The following SLC1A3 variants were observed in gnomAD, a reference collection of about 807,000 sequenced individuals.
SLC1A3 encodes the protein excitatory amino acid transporter 1.
Under a neutral mutation model 48.1 loss-of-function variants are expected in SLC1A3, and 21 were observed. The observed-to-expected ratio is 0.44, with a 90% confidence interval of 0.31 to 0.63. The LOEUF (loss-of-function observed/expected upper bound fraction) is 0.63. Among genes scored for constraint, SLC1A3 ranks in the 20% least tolerant of loss-of-function variants. The pLI is 0.08. For synonymous variants in SLC1A3, 239 were observed against 251.4 expected (o/e 0.95, Z 0.47); for missense variants, 546 against 689.0 (o/e 0.79, Z 2.32).
At chr5:36,668,539 G>T (rs1315496417) in intron 3 of SLC1A3, 1 of 152,216 alleles carries the variant, frequency 6.6e-6, no homozygotes, top group Non-Finnish European at 1.5e-5. Context: ...ACATGGAGAT[G>T]TGATTAATGA....
At chr5:36,605,132 T>C (rs1304936047), upstream of SLC1A3, among the ~76,000 whole-genome samples, 3 of 152,214 alleles carry the variant, frequency 2.0e-5, no homozygotes, top group Non-Finnish European at 4.4e-5. Context: ...AGTTACTTAA[T>C]ATTGACTCTG....
At chr5:36,608,959 A>G in intron 2 of SLC1A3, 1 of 1,021,638 alleles carries the variant, frequency 9.8e-7, no homozygotes, top group Non-Finnish European at 1.2e-6. Flanking sequence ...ATACAATGTC[A>G]GTTGCACTTA....
chr5:36,641,345 G>C (rs1028253506), intron 3 of SLC1A3, among the ~76,000 whole-genome samples: 1 of 151,996 alleles, frequency 6.6e-6, no homozygotes, highest in Non-Finnish European at 1.5e-5. Context: ...AACTTTTCCC[G>C]AGTTTGTTTC....
chr5:36,670,513 G>T (rs1254265393), intron 3 of SLC1A3, among the ~76,000 whole-genome samples: 2 of 152,122 alleles, frequency 1.3e-5, no homozygotes, highest in East Asian at 3.8e-4. Context: ...CATCAAAAAA[G>T]AATCCCAAAT....
chr5:36,622,635 C>G (rs145836045), intron 2 of SLC1A3, among the ~76,000 whole-genome samples: 9 of 152,222 alleles, frequency 5.9e-5, no homozygotes, highest in African/African-American at 1.9e-4. Flanking sequence ...AAGAGTAAAC[C>G]TATGATATCT....
intron 2 of SLC1A3, among the ~76,000 whole-genome samples, chr5:36,626,286 A>G (rs1224152064): frequency 6.6e-6 from 1 of 152,218 alleles, no homozygotes; most frequent in Admixed American, 6.5e-5. Flanking sequence ...TTCCTTCATC[A>G]GCCCTTGTTT....
rs752614435 is a variant in SLC1A3, at chr5:36,677,102, A to G, written c.778A>G (p.Met260Val). 2 of 1,614,156 alleles carry G rather than the reference A, an allele frequency of 1.2e-6. No individual in the cohort carries two copies. The highest frequency in any genetic ancestry group is 1.3e-5 in the African/African-American group (1 of 75,056). The change falls in exon 6 of 10, where the codon ATG becomes GTG. Residue 260 changes from methionine to valine, a missense_variant. Met to Val is a conservative substitution (Grantham distance 21). This residue lies in a region of SLC1A3 where 348 missense variants were observed against 392.0 expected (regional missense o/e 0.89). Transcript: ENST00000265113. ...SMCFGFVIGNMKEQGQALREF... is the reference protein window; with the variant it reads ...SMCFGFVIGNVKEQGQALREF... Reference sequence around the variant, plus strand: ...GTGCTTCGGTTTTGTGATTGGAAACATGAAGGAACAGGGGCAGGCCCTGAG... The same window carrying G: ...GTGCTTCGGTTTTGTGATTGGAAACGTGAAGGAACAGGGGCAGGCCCTGAG...
rs550593357 is a variant in SLC1A3 at position 36,688,226 on chromosome 5, C to G, written c.*1957C>G. Reference sequence around the variant, plus strand: ...TGGAAAGGTCCTGTGGGGAGCCCATCCTCTCGCCAAGCCATCACAGGCTCT... The same window carrying G: ...TGGAAAGGTCCTGTGGGGAGCCCATGCTCTCGCCAAGCCATCACAGGCTCT... On this transcript the variant is annotated 3_prime_UTR_variant, in exon 10 of 10. Transcript: ENST00000265113. 6.6e-5 allele frequency: 10 copies of G among 152,324 alleles called. No individual in the cohort carries two copies. The highest frequency in any genetic ancestry group is 2.4e-4 in the African/African-American group (10 of 41,564). 9.4% of individuals were successfully genotyped at this position (152,324 alleles called of 1,614,324 possible).
In SLC1A3 at chr5:36,614,454, G is replaced by A. The variant is rs958749008; in HGVS notation, c.181+5850G>A. 2.6e-5 allele frequency among the ~76,000 whole-genome samples: 4 copies of A among 152,028 alleles called. No individual in the cohort carries two copies. The East Asian group carries it at 7.7e-4, about 29-fold the overall frequency. ...TAGGAAGAGCCTTAATAGTTGTAACGGGCTTTTAGATGCAGAAATGAAAGC... is the reference window on the plus strand; with the variant it reads ...TAGGAAGAGCCTTAATAGTTGTAACAGGCTTTTAGATGCAGAAATGAAAGC... On this transcript the variant is annotated intron_variant, in intron 2 of 9. Coordinates refer to ENST00000265113, the MANE Select transcript of SLC1A3 (RefSeq NM_004172.5).
At chr5:36,646,077 G>A (rs1367667609) in intron 3 of SLC1A3, among the ~76,000 whole-genome samples, 1 of 152,236 alleles carries the variant, frequency 6.6e-6, no homozygotes, top group Non-Finnish European at 1.5e-5. Flanking sequence ...ACTCTTTGGA[G>A]TAAGCTATGG....
intron 1 of SLC1A3, among the ~76,000 whole-genome samples, chr5:36,607,586 G>C (rs909332860): frequency 4.5e-4 from 68 of 152,170 alleles, no homozygotes; most frequent in Admixed American, 9.8e-4. Context: ...GAAGATTCCA[G>C]CATGTGTGTC....
At chr5:36,649,303 G>T (rs796082687) in intron 3 of SLC1A3, 1 of 136,528 alleles carries the variant, frequency 7.3e-6, no homozygotes, top group African/African-American at 2.6e-5. Context: ...AACTGAGATT[G>T]TGCCATTGCA....
rs1580049816 is a variant in SLC1A3, at chr5:36,683,150, C to G, written c.1290-714C>G. Among the ~76,000 whole-genome samples the G allele has an allele frequency of 2.0e-5, 3 of 152,324 alleles. No homozygotes were observed. The East Asian group carries it at 5.8e-4, about 29-fold the overall frequency. Reference sequence around the variant, plus strand: ...TGTTCAGTAACTTTACAACCCTCCACTTGGATAGGGGAATTACTAGAAACA... The same window carrying G: ...TGTTCAGTAACTTTACAACCCTCCAGTTGGATAGGGGAATTACTAGAAACA... On this transcript the variant is annotated intron_variant, in intron 8 of 9. Transcript: ENST00000265113.
At chr5:36,685,658 T>G (rs567745741) in intron 9 of SLC1A3, among the ~76,000 whole-genome samples, 1 of 152,376 alleles carries the variant, frequency 6.6e-6, no homozygotes, top group South Asian at 2.1e-4. Flanking sequence ...ACAAGACAGT[T>G]GGAGTTTCCT....
At chr5:36,617,598 C>G (rs1410086177) in intron 2 of SLC1A3, among the ~76,000 whole-genome samples, 3 of 151,678 alleles carry the variant, frequency 2.0e-5, no homozygotes, top group Non-Finnish European at 4.4e-5. Flanking sequence ...AATGTTATGA[C>G]TATAAAAATA....
intron 2 of SLC1A3, among the ~76,000 whole-genome samples, chr5:36,614,786 A>G (rs1739362297): frequency 1.3e-5 from 2 of 152,248 alleles, no homozygotes; most frequent in East Asian, 1.9e-4. Flanking sequence ...CACTCTGGTC[A>G]GAGTGGGGGC....
chr5:36,670,734 G>C (rs549291984), intron 3 of SLC1A3: 1 of 465,336 alleles, frequency 2.1e-6, no homozygotes, highest in South Asian at 2.1e-5. Flanking sequence ...GAAACAATCT[G>C]ATTGCACTTT....
intron 3 of SLC1A3, among the ~76,000 whole-genome samples, chr5:36,644,244 C>G (rs1464101886): frequency 2.0e-5 from 3 of 151,956 alleles, no homozygotes; most frequent in African/African-American, 7.3e-5. Context: ...GATTCTTGCT[C>G]TTATCCGTGT....
rs17585568 is a variant in SLC1A3, at chr5:36,667,888, G to C, written c.320-3141G>C. 12 of 152,290 alleles carry C rather than the reference G, an allele frequency of 7.9e-5. No individual in the cohort carries two copies. In the East Asian group the frequency reaches 2.1e-3, roughly 27 times the overall value. The allele number at this position is 152,290 out of a possible 1,614,324, so 9.4% of individuals were successfully genotyped here. On this transcript the variant is annotated intron_variant, in intron 3 of 9. Transcript: ENST00000265113. Reference sequence around the variant, plus strand: ...TCTTGAATTGGGCTAGTTTAGCTAAGCCCAGATCAAATGAAGAAAAAGAAA... The same window carrying C: ...TCTTGAATTGGGCTAGTTTAGCTAACCCCAGATCAAATGAAGAAAAAGAAA...
Sources: allele counts gnomAD v4.1 joint callset (sites outside exome capture counted in the v4.1 genomes callset), GRCh38; gene constraint gnomAD v4.1.1; regional missense constraint gnomAD v4.1.1; transcripts MANE v1.5; gene names NCBI Gene and HGNC (gene_info 2026-07-23, HGNC 2026-07-21).